The following WDR7 variants were observed in gnomAD, a reference collection of about 807,000 sequenced individuals.
WDR7 encodes WD repeat domain 7.
In WDR7, 46 loss-of-function variants were observed where a neutral mutation model predicts 169.4. The observed-to-expected ratio is 0.27, with a 90% CI of 0.21 to 0.35. WDR7 has a LOEUF of 0.35. WDR7 is among the 10% of genes least tolerant of loss of function. WDR7 has a pLI of 1.00. For missense variants in WDR7, 1,534 were observed against 1,859.3 expected (o/e 0.83, Z 3.22); for synonymous variants, 612 against 666.8 (o/e 0.92, Z 1.27).
At chr18:56,782,490 T>C (rs2044333507) in intron 19 of WDR7, among the ~76,000 whole-genome samples, 1 of 152,126 alleles carries the variant, frequency 6.6e-6, no homozygotes, top group African/African-American at 2.4e-5. Flanking sequence ...CTAAATTATA[T>C]TGAATTAAAA....
chr18:56,673,947 G>A (rs2025189663), intron 2 of WDR7, among the ~76,000 whole-genome samples: 1 of 152,208 alleles, frequency 6.6e-6, no homozygotes, highest in African/African-American at 2.4e-5. Flanking sequence ...ACTATAATAT[G>A]TGTTTTTTTA....
At chr18:56,944,473 T>C (rs541068495) in intron 25 of WDR7, among the ~76,000 whole-genome samples, 43 of 152,344 alleles carry the variant, frequency 2.8e-4, no homozygotes, top group Middle Eastern at 3.4e-3. Context: ...TAATATATAA[T>C]TTAATGAGTG....
At chr18:56,876,374 C>T (rs904319955) in intron 20 of WDR7, among the ~76,000 whole-genome samples, 1 of 152,068 alleles carries the variant, frequency 6.6e-6, no homozygotes, top group Non-Finnish European at 1.5e-5. Context: ...TTTAATCCTT[C>T]TGTGCCAAAT....
At chr18:56,942,013 G>C (rs1022513764) in intron 25 of WDR7, among the ~76,000 whole-genome samples, 1 of 152,126 alleles carries the variant, frequency 6.6e-6, no homozygotes, top group African/African-American at 2.4e-5. Context: ...TTTTGTCACT[G>C]GTAGGTGGAG....
rs201462880 is a variant in WDR7 at position 56,726,552 on chromosome 18, G to A, written c.1775-4831G>A. On this transcript the variant is annotated intron_variant, in intron 13 of 27. Transcript: ENST00000254442. ...GCTTATCAGCTTAAGGAGATTTTGGGCTGAGACAATGGGGTTTTCTAGATA... is the reference window on the plus strand; with the variant it reads ...GCTTATCAGCTTAAGGAGATTTTGGACTGAGACAATGGGGTTTTCTAGATA... Among the ~76,000 whole-genome samples the A allele has an allele frequency of 1.4e-3, 212 of 152,210 alleles. 3 individuals are homozygous for A. Among genetic ancestry groups the A allele is most frequent in the Middle Eastern group, 3.4e-3 (1 of 294 alleles).
chr18:56,801,960 T>C (rs569533105), intron 19 of WDR7, among the ~76,000 whole-genome samples: 96 of 152,258 alleles, frequency 6.3e-4, no homozygotes, highest in Non-Finnish European at 1.1e-3. Flanking sequence ...TTTCATAAAT[T>C]TCATGTTTTT....
intron 20 of WDR7, among the ~76,000 whole-genome samples, chr18:56,840,093 CAAAA>C (rs546099441): frequency 2.0e-5 from 3 of 151,572 alleles, no homozygotes; most frequent in African/African-American, 7.3e-5. Context: ...CAAAAACAAA[CAAAA>C]AAATAAGCAA....
chr18:56,802,648 A>G (rs902781129), intron 19 of WDR7, among the ~76,000 whole-genome samples: 1 of 151,720 alleles, frequency 6.6e-6, no homozygotes, highest in Non-Finnish European at 1.5e-5. Flanking sequence ...GATTACAGGC[A>G]TGAGCCACCG....
chr18:56,957,194 C>G (rs967660501), intron 25 of WDR7: 12 of 152,058 alleles, frequency 7.9e-5, no homozygotes, highest in Non-Finnish European at 2.9e-5. Context: ...CATGAGAGGA[C>G]CATCCCATGA....
rs376150691 is a variant in WDR7 at position 56,758,885 on chromosome 18, C to G, written c.2780C>G (p.Pro927Arg). The change falls in exon 16 of 28, where the codon CCA (proline) becomes CGA (arginine). Residue 927 changes from proline (P) to arginine (R), a missense_variant. Coordinates refer to ENST00000254442, the MANE Select transcript of WDR7 (RefSeq NM_015285.3). ...GPTRPPRPST[P>R]DLSKARGSPP... Reference sequence around the variant, plus strand: ...TTAAGGCCACCTAGACCAAGCACCCCAGACCTTTCTAAGGCAAGGGGTTCC... The same window carrying G: ...TTAAGGCCACCTAGACCAAGCACCCGAGACCTTTCTAAGGCAAGGGGTTCC... The G allele has an allele frequency of 5.0e-6, 8 of 1,612,964 alleles. No individual in the cohort carries two copies. The highest frequency in any genetic ancestry group is 1.7e-5 in the Admixed American group (1 of 59,990).
At chr18:56,792,543 A>G (rs2044506552) in intron 19 of WDR7, among the ~76,000 whole-genome samples, 1 of 152,028 alleles carries the variant, frequency 6.6e-6, no homozygotes, top group Admixed American at 6.6e-5. Flanking sequence ...AAACTTACAC[A>G]TGAAATCTTA....
intron 12 of WDR7, among the ~76,000 whole-genome samples, chr18:56,697,869 T>C (rs1345250501): frequency 2.6e-5 from 4 of 152,184 alleles, no homozygotes; most frequent in East Asian, 1.9e-4. Context: ...GAATAAGATA[T>C]AGTTTTTCTT....
intron 26 of WDR7, among the ~76,000 whole-genome samples, chr18:56,998,201 T>A (rs2047925754): frequency 6.6e-6 from 1 of 152,148 alleles, no homozygotes; most frequent in South Asian, 2.1e-4. Context: ...GTATCCGTAA[T>A]TTTTGTGCCT....
At chr18:56,920,762 A>G (rs149048219) in intron 21 of WDR7, among the ~76,000 whole-genome samples, 2 of 152,310 alleles carry the variant, frequency 1.3e-5, no homozygotes, top group African/African-American at 4.8e-5. Context: ...TACAACTTTT[A>G]TTCAATACCA....
At chr18:56,953,903 T>C (rs376448407) in intron 25 of WDR7, among the ~76,000 whole-genome samples, 1 of 152,346 alleles carries the variant, frequency 6.6e-6, no homozygotes, top group Non-Finnish European at 1.5e-5. Flanking sequence ...CGCTGACTAA[T>C]GAATCAATGA....
intron 20 of WDR7, among the ~76,000 whole-genome samples, chr18:56,819,839 A>G (rs557181247): frequency 6.6e-6 from 1 of 152,232 alleles, no homozygotes; most frequent in African/African-American, 2.4e-5. Context: ...AGTACTGTAT[A>G]CCTGTGTGTT....
intron 12 of WDR7, among the ~76,000 whole-genome samples, chr18:56,704,738 A>C (rs1278238220): frequency 6.6e-6 from 1 of 152,240 alleles, no homozygotes; most frequent in Admixed American, 6.5e-5. Context: ...TGCTGATATC[A>C]TGCCAAACAT....
chr18:56,759,333 T>C (rs2043947460), intron 16 of WDR7, among the ~76,000 whole-genome samples: 1 of 152,186 alleles, frequency 6.6e-6, no homozygotes, highest in African/African-American at 2.4e-5. Context: ...TCTGCCATTT[T>C]CCCATAGTTC....
intron 26 of WDR7, among the ~76,000 whole-genome samples, chr18:57,012,527 A>T (rs2048150486): frequency 6.6e-6 from 1 of 152,182 alleles, no homozygotes; most frequent in South Asian, 2.1e-4. Flanking sequence ...CAGAATGAGG[A>T]GACGGACACT....
Sources: gnomAD v4.1 joint callset for allele counts (sites outside exome capture counted in the v4.1 genomes callset) on GRCh38, gnomAD v4.1.1 for gene constraint, MANE v1.5 for transcripts, NCBI Gene and HGNC (gene_info 2026-07-23, HGNC 2026-07-21) for gene names.